Variants in PPM1E observed in about 807,000 individuals in gnomAD.
The protein encoded by PPM1E is protein phosphatase, Mg2+/Mn2+ dependent 1E.
In PPM1E, 20 loss-of-function variants were observed where a neutral mutation model predicts 65.9. The ratio of observed to expected loss-of-function variants is 0.30; its 90% CI spans 0.21 to 0.44. The LOEUF is 0.44. Ranked by LOEUF, PPM1E falls within the 20% of genes least tolerant of loss-of-function variation. The probability of loss-of-function intolerance (pLI) is 1.00; values close to 1 mark genes in which losing one functional copy is unlikely to be tolerated. For synonymous variants in PPM1E, 352 were observed against 374.9 expected (o/e 0.94, Z 0.70); for missense variants, 713 against 953.1 (o/e 0.75, Z 3.32).
intron 1 of PPM1E, among the ~76,000 whole-genome samples, chr17:58,873,846 C>G (rs1393618780): frequency 6.6e-6 from 1 of 151,102 alleles, no homozygotes; most frequent in Admixed American, 6.6e-5. Context: ...ATCTGCCCAC[C>G]TTAGCCCCCC....
chr17:58,909,619 T>C (rs2051599411), intron 1 of PPM1E, among the ~76,000 whole-genome samples: 1 of 152,172 alleles, frequency 6.6e-6, no homozygotes, highest in African/African-American at 2.4e-5. Flanking sequence ...AACCCTTTTT[T>C]CACTCTGTTC....
chr17:58,924,514 G>A (rs1350864763), intron 1 of PPM1E, among the ~76,000 whole-genome samples: 2 of 151,996 alleles, frequency 1.3e-5, no homozygotes, highest in African/African-American at 4.8e-5. Context: ...TCACACCACT[G>A]CACTCTAACC....
chr17:58,756,215 T>C lies in PPM1E; in HGVS notation c.218T>C (p.Val73Ala), dbSNP rs369227855. 6.4e-7 allele frequency: 1 copy of C among 1,554,930 alleles called. No individual in the cohort carries two copies. The highest frequency in any genetic ancestry group is 1.7e-4 in the Middle Eastern group (1 of 5,950). The change falls in exon 1 of 7, where the codon GTA (valine) becomes GCA (alanine). Residue 73 changes from valine to alanine, a missense_variant. Coordinates refer to ENST00000308249, the MANE Select transcript of PPM1E (RefSeq NM_014906.5). ...GAACCCGGGGAGGAGGCGGCCACGG[T>C]AGCCGCGACGGAGGAGGGGGACCAG... ...VEEPGEEAAT[V>A]AATEEGDQEQ...
intron 1 of PPM1E, among the ~76,000 whole-genome samples, chr17:58,774,857 T>A (rs1448447198): frequency 7.3e-6 from 1 of 136,324 alleles, no homozygotes; most frequent in Admixed American, 7.2e-5. Context: ...TCTGGGTAGT[T>A]CTTTTTTTTT....
intron 1 of PPM1E, among the ~76,000 whole-genome samples, chr17:58,829,659 T>G (rs527645699): frequency 6.6e-6 from 1 of 152,280 alleles, no homozygotes; most frequent in East Asian, 1.9e-4. Flanking sequence ...GCCTCAGTTT[T>G]GTGGTTTTCA....
intron 1 of PPM1E, among the ~76,000 whole-genome samples, chr17:58,825,254 AC>A (rs2050523145): frequency 2.6e-5 from 4 of 151,744 alleles, no homozygotes; most frequent in East Asian, 1.9e-4. Flanking sequence ...ACACACACAC[AC>A]ACACACACAA....
intron 1 of PPM1E, among the ~76,000 whole-genome samples, chr17:58,831,016 T>G (rs945435337): frequency 2.7e-5 from 4 of 150,686 alleles, no homozygotes; most frequent in Middle Eastern, 3.4e-3. Flanking sequence ...TTTTTTTTTT[T>G]TTCGTTTTTT....
In PPM1E at chr17:58,756,119, C is replaced by CCGAACA. The variant is rs1380319743; in HGVS notation, c.127_128insACGAAC (p.Glu42_Pro43insHisGlu). 1.9e-6 allele frequency: 3 copies of CCGAACA among 1,608,826 alleles called. No individual in the cohort carries two copies. The highest frequency in any genetic ancestry group is 2.5e-6 in the Non-Finnish European group (3 of 1,177,422). Reference sequence around the variant, plus strand: ...CCGGAACCCGAACCCGAACCCGAACCCGAACCCGAGTCCGAGCCCGAGCCC... The same window carrying CCGAACA: ...CCGGAACCCGAACCCGAACCCGAACCCGAACACGAACCCGAGTCCGAGCCCGAGCCC... On this transcript the variant is annotated inframe_insertion, in exon 1 of 7. Transcript: ENST00000308249.
At chr17:58,854,039 C>A (rs1175457398) in intron 1 of PPM1E, among the ~76,000 whole-genome samples, 1 of 151,968 alleles carries the variant, frequency 6.6e-6, no homozygotes, top group African/African-American at 2.4e-5. Flanking sequence ...CAATATTAAC[C>A]CCTTCAGTTC....
chr17:58,842,713 T>C (rs1330607803), intron 1 of PPM1E, among the ~76,000 whole-genome samples: 6 of 133,610 alleles, frequency 4.5e-5, no homozygotes, highest in Admixed American at 4.4e-4. Flanking sequence ...CCAAGGCGGG[T>C]GGATCACTTG....
intron 1 of PPM1E, among the ~76,000 whole-genome samples, chr17:58,850,426 T>C (rs2050815293): frequency 6.6e-6 from 1 of 152,224 alleles, no homozygotes; most frequent in Non-Finnish European, 1.5e-5. Context: ...GGTTGTTCCC[T>C]TCCAAGTTTA....
chr17:58,855,549 A>G (rs1272616758), intron 1 of PPM1E, among the ~76,000 whole-genome samples: 2 of 152,204 alleles, frequency 1.3e-5, no homozygotes, highest in Admixed American at 6.5e-5. Context: ...AAATTACAAG[A>G]CATGCTAAAA....
intron 1 of PPM1E, among the ~76,000 whole-genome samples, chr17:58,824,885 G>A (rs2143150802): frequency 6.6e-6 from 1 of 151,986 alleles, no homozygotes; most frequent in Non-Finnish European, 1.5e-5. Flanking sequence ...TAGGATTACA[G>A]GTGTGAGCCA....
At chr17:58,793,441 C>T (rs1170973369) in intron 1 of PPM1E, among the ~76,000 whole-genome samples, 6 of 151,608 alleles carry the variant, frequency 4.0e-5, no homozygotes, top group East Asian at 1.9e-4. Context: ...CTGCAAGCTC[C>T]GCCTCCCGAG....
chr17:58,827,118 A>C lies in PPM1E; in HGVS notation c.464+70657A>C, dbSNP rs1050497511. ...GTGGAATATATAAAAGCCTGCATTCAGCTTTAAGTCCATGATCTTTTTTTT... is the reference window on the plus strand; with the variant it reads ...GTGGAATATATAAAAGCCTGCATTCCGCTTTAAGTCCATGATCTTTTTTTT... On this transcript the variant is annotated intron_variant, in intron 1 of 6. Transcript: ENST00000308249. 2.0e-5 allele frequency among the ~76,000 whole-genome samples: 3 copies of C among 146,742 alleles called. No homozygotes were observed. In the Admixed American group the frequency reaches 2.1e-4, roughly 10 times the overall value.
At chr17:58,912,748 G>T (rs1207517386) in intron 1 of PPM1E, among the ~76,000 whole-genome samples, 1 of 152,162 alleles carries the variant, frequency 6.6e-6, no homozygotes, top group Non-Finnish European at 1.5e-5. Context: ...TGGACCATGT[G>T]ATTAAAAGAT....
intron 1 of PPM1E, among the ~76,000 whole-genome samples, chr17:58,759,342 T>C (rs1349110630): frequency 6.6e-6 from 1 of 152,208 alleles, no homozygotes; most frequent in East Asian, 1.9e-4. Context: ...AATCTGAGAA[T>C]TTCTGAGGTT....
intron 1 of PPM1E, among the ~76,000 whole-genome samples, chr17:58,855,054 A>G (rs1221221029): frequency 2.0e-5 from 3 of 152,142 alleles, no homozygotes; most frequent in African/African-American, 7.2e-5. Flanking sequence ...CTGAGAGTTA[A>G]CCCAGTCATA....
At chr17:58,883,696 A>G (rs1243654263) in intron 1 of PPM1E, among the ~76,000 whole-genome samples, 3 of 151,316 alleles carry the variant, frequency 2.0e-5, no homozygotes, top group Non-Finnish European at 2.9e-5. Context: ...TGTGTTAGCC[A>G]GGATGGTCTC....
Sources: gnomAD v4.1 joint callset for allele counts (sites outside exome capture counted in the v4.1 genomes callset) on GRCh38, gnomAD v4.1.1 for gene constraint, MANE v1.5 for transcripts, NCBI Gene and HGNC (gene_info 2026-07-23, HGNC 2026-07-21) for gene names.